The following CHST3 variants were observed in gnomAD, a reference collection of about 807,000 sequenced individuals.
CHST3 encodes carbohydrate sulfotransferase 3.
Under a neutral mutation model 35.4 loss-of-function variants are expected in CHST3, and 20 were observed. The ratio of observed to expected loss-of-function variants is 0.57; its 90% CI spans 0.40 to 0.82. CHST3 has a LOEUF of 0.82. Among genes scored for constraint, CHST3 ranks in the 40% least tolerant of loss-of-function variants. The probability of loss-of-function intolerance (pLI) is 0.00; values close to 1 mark genes in which losing one functional copy is unlikely to be tolerated. For missense variants in CHST3, 693 were observed against 670.1 expected (o/e 1.03, Z -0.38); for synonymous variants, 334 against 295.9 (o/e 1.13, Z -1.32).
chr10:71,987,714 C>CAAAAAAA (rs386371790), intron 1 of CHST3, among the ~76,000 whole-genome samples: 17 of 88,814 alleles, frequency 1.9e-4, no homozygotes, highest in Non-Finnish European at 2.3e-4. Context: ...GAGACTGTCT[C>CAAAAAAA]AAAAAAAAAA....
chr10:71,967,821 TTG>T (rs1270377762), intron 1 of CHST3, among the ~76,000 whole-genome samples: 1 of 152,110 alleles, frequency 6.6e-6, no homozygotes, highest in Non-Finnish European at 1.5e-5. Context: ...TTTTTGTTTT[TTG>T]TTTTTGGTGG....
intron 1 of CHST3, among the ~76,000 whole-genome samples, chr10:71,987,567 T>A (rs56321016): frequency 0.26 from 39,223 of 151,522 alleles, 8,264 homozygotes; most frequent in African/African-American, 0.59. Flanking sequence ...TACAAAAAAA[T>A]TAGCTGGGCG....
chr10:72,001,128 GC>G (rs1171666039), intron 1 of CHST3, among the ~76,000 whole-genome samples: 2 of 152,218 alleles, frequency 1.3e-5, no homozygotes, highest in Non-Finnish European at 2.9e-5. Flanking sequence ...CCACATCCCA[GC>G]CAGCACCTAG....
intron 1 of CHST3, among the ~76,000 whole-genome samples, chr10:71,983,325 C>T (rs994993340): frequency 1.3e-5 from 2 of 152,342 alleles, no homozygotes; most frequent in East Asian, 3.9e-4. Flanking sequence ...TACTCCTTGT[C>T]ACCCACAGCC....
chr10:71,980,135 C>T (rs1284923562), intron 1 of CHST3, among the ~76,000 whole-genome samples: 1 of 152,236 alleles, frequency 6.6e-6, no homozygotes, highest in East Asian at 1.9e-4. Context: ...TGAGCATATT[C>T]CAGCTCTAGA....
intron 1 of CHST3, among the ~76,000 whole-genome samples, chr10:71,969,892 A>T (rs7894516): frequency 2.0e-5 from 3 of 152,054 alleles, no homozygotes; most frequent in Non-Finnish European, 4.4e-5. Flanking sequence ...ACACTCAGAG[A>T]GTCTCTGGCT....
intron 1 of CHST3, among the ~76,000 whole-genome samples, chr10:71,967,005 A>G (rs537568450): frequency 2.8e-4 from 43 of 152,042 alleles, no homozygotes; most frequent in Non-Finnish European, 5.1e-4. Flanking sequence ...CCCAATAGGT[A>G]GTTGTTGGGT....
chr10:71,995,860 C>G (rs968992981), intron 1 of CHST3, among the ~76,000 whole-genome samples: 1 of 152,162 alleles, frequency 6.6e-6, no homozygotes, highest in Non-Finnish European at 1.5e-5. Flanking sequence ...AAAATCTGCA[C>G]TATTGCGAAA....
At chr10:71,988,809 C>T (rs1004877383) in intron 1 of CHST3, among the ~76,000 whole-genome samples, 38 of 152,332 alleles carry the variant, frequency 2.5e-4, no homozygotes, top group Admixed American at 1.6e-3. Context: ...CAGGATTCTT[C>T]TCATCAAAGT....
intron 1 of CHST3, among the ~76,000 whole-genome samples, chr10:71,979,994 A>G (rs1342161889): frequency 6.6e-6 from 1 of 152,168 alleles, no homozygotes; most frequent in Non-Finnish European, 1.5e-5. Flanking sequence ...TCTCACCTGA[A>G]ACAGTCCTTC....
rs1056591999 is a variant in CHST3 at position 72,002,083 on chromosome 10, C to A, written c.-107-3653C>A. Among the ~76,000 whole-genome samples, 5 of 152,174 alleles carry A rather than the reference C, an allele frequency of 3.3e-5. No homozygotes were observed. The East Asian group carries it at 7.7e-4, about 23-fold the overall frequency. On this transcript the variant is annotated intron_variant, in intron 1 of 2. Coordinates refer to ENST00000373115, the MANE Select transcript of CHST3 (RefSeq NM_004273.5). ...TCCCCGCTTCTGGCTCTGGGAAGCT[C>A]CAAACCTCTCTCACCTGCCTGCCCA...
At chr10:71,978,265 C>T (rs553266279) in intron 1 of CHST3, among the ~76,000 whole-genome samples, 23 of 152,142 alleles carry the variant, frequency 1.5e-4, no homozygotes, top group African/African-American at 5.5e-4. Context: ...ACTCGGGAGG[C>T]TGAGGCAGGA....
Position 72,008,256 on chromosome 10 carries a change from C to G in CHST3, c.1225C>G (p.His409Asp). ...DWIQKNTQAA[H>D]DGSGIYSTQK... ...GATCCAAAAGAACACGCAGGCGGCC[C>G]ACGACGGCAGCGGCATCTACTCCAC... Residue 409 changes from histidine to aspartate, a missense_variant, in exon 3 of 3, where the codon CAC becomes GAC. By Grantham distance (81) the His-to-Asp change is moderately conservative (BLOSUM62 -1). Transcript: ENST00000373115. The G allele has an allele frequency of 6.3e-7, 1 of 1,578,498 alleles. No individual in the cohort carries two copies. The highest frequency in any genetic ancestry group is 8.6e-7 in the Non-Finnish European group (1 of 1,162,682).
intron 2 of CHST3, 67 bp downstream of exon 2, chr10:72,006,049 C>T: frequency 6.3e-7 from 1 of 1,578,128 alleles, no homozygotes. Flanking sequence ...AGGGAGGTAA[C>T]TGCAGGGCTC....
chr10:72,012,616 G>C lies in CHST3; in HGVS notation c.*4145G>C, dbSNP rs1417865591. ...CAAGGGCTGATACCTGAGGCAAGGA[G>C]AGCTAAGGGGAGAGAAATTGGGGCT... On this transcript the variant is annotated 3_prime_UTR_variant, in exon 3 of 3. Coordinates refer to ENST00000373115, the MANE Select transcript of CHST3 (RefSeq NM_004273.5). The C allele has an allele frequency of 6.5e-6, 1 of 152,674 alleles. No homozygotes were observed. Among genetic ancestry groups the C allele is most frequent in the African/African-American group, 2.4e-5 (1 of 41,466 alleles). 9.5% of individuals were successfully genotyped at this position (152,674 alleles called of 1,614,324 possible).
chr10:71,965,491 T>C (rs1332382091), intron 1 of CHST3, among the ~76,000 whole-genome samples: 1 of 152,084 alleles, frequency 6.6e-6, no homozygotes, highest in Non-Finnish European at 1.5e-5. Flanking sequence ...CAGATTCCAG[T>C]CCTGGGTGTG....
chr10:71,965,169 C>T (rs1028161036), intron 1 of CHST3, among the ~76,000 whole-genome samples: 1 of 152,208 alleles, frequency 6.6e-6, no homozygotes, highest in Non-Finnish European at 1.5e-5. Flanking sequence ...GGCCAGAACC[C>T]CGAGACCAAG....
rs1420630983 is a variant in CHST3 at position 72,008,335 on chromosome 10, A to G, written c.1304A>G (p.Lys435Arg). ...FEKWRFSMPF[K>R]LAQVVQAACG... ...AAGTGGCGCTTCAGCATGCCCTTCA[A>G]GCTGGCCCAGGTGGTGCAGGCCGCC... is the stretch of plus-strand genomic sequence containing the variant. The change falls in exon 3 of 3, where the codon AAG becomes AGG. Residue 435 changes from lysine (K) to arginine (R), a missense_variant. Transcript: ENST00000373115. 2 of 1,573,366 alleles carry G rather than the reference A, an allele frequency of 1.3e-6. No individual in the cohort carries two copies. The highest frequency in any genetic ancestry group is 2.7e-5 in the African/African-American group (2 of 74,030).
intron 1 of CHST3, among the ~76,000 whole-genome samples, chr10:71,985,081 G>A (rs16929536): frequency 0.11 from 16,886 of 152,268 alleles, 909 homozygotes; most frequent in Admixed American, 0.16. Flanking sequence ...CCAGTGAGCC[G>A]TTCAAAGATA....
Sources: allele counts gnomAD v4.1 joint callset (sites outside exome capture counted in the v4.1 genomes callset), GRCh38; gene constraint gnomAD v4.1.1; transcripts MANE v1.5; gene names NCBI Gene and HGNC (gene_info 2026-07-23, HGNC 2026-07-21).